The following TMPRSS2 variants were observed in gnomAD, a reference collection of about 807,000 sequenced individuals.
The protein encoded by TMPRSS2 is transmembrane protease serine 2.
A neutral mutation model predicts 67.4 loss-of-function variants in TMPRSS2; 59 were observed. That is an observed-to-expected ratio of 0.88 (90% confidence interval 0.71 to 1.09). TMPRSS2 has a LOEUF of 1.09. TMPRSS2 is among the 50% of genes least tolerant of loss of function. TMPRSS2 has a pLI of 0.00. For synonymous variants in TMPRSS2, 257 were observed against 257.0 expected (o/e 1.00, Z 0.00); for missense variants, 668 against 642.7 (o/e 1.04, Z -0.43).
At chr21:41,479,643 G>C (rs1267068359) in intron 6 of TMPRSS2, among the ~76,000 whole-genome samples, 1 of 152,116 alleles carries the variant, frequency 6.6e-6, no homozygotes, top group African/African-American at 2.4e-5. Context: ...TGTGATGGGG[G>C]GGCTTTGCTG....
intron 7 of TMPRSS2, 47 bp downstream of exon 7, chr21:41,479,125 C>T: frequency 2.1e-6 from 3 of 1,406,074 alleles, no homozygotes; most frequent in East Asian, 2.3e-5. Flanking sequence ...ATGGTGTCTC[C>T]TAGTTGATTT....
At chr21:41,490,116 C>T (rs2091324816) in intron 3 of TMPRSS2, among the ~76,000 whole-genome samples, 1 of 147,760 alleles carries the variant, frequency 6.8e-6, no homozygotes, top group African/African-American at 2.5e-5. Context: ...CCACTGCACT[C>T]CAGCCTGGGC....
At chr21:41,472,538 C>G (rs1475331551) in intron 9 of TMPRSS2, among the ~76,000 whole-genome samples, 1 of 151,872 alleles carries the variant, frequency 6.6e-6, no homozygotes, top group Non-Finnish European at 1.5e-5. Context: ...CCCAGAGCAC[C>G]TGGGGGTGTG....
rs1030553162 is a variant in TMPRSS2, at chr21:41,478,245, C to T, written c.683+927G>A. Among the ~76,000 whole-genome samples, 1 of 152,206 alleles carries T rather than the reference C, an allele frequency of 6.6e-6. No homozygotes were observed. The highest frequency in any genetic ancestry group is 2.4e-5 in the African/African-American group (1 of 41,444). ...CTGCAGTGGAAGTCAGGCCCCCAGA[C>T]CCCTCCACCAGCGGCCTCCAGGAAT... On this transcript the variant is annotated intron_variant, in intron 7 of 13. Transcript: ENST00000332149. This position sits in a 1 kb window ranked among gnomAD's most constrained non-coding sequence, Gnocchi z 4.0.
At chr21:41,503,039 A>G (rs530721239) in intron 1 of TMPRSS2, among the ~76,000 whole-genome samples, 1 of 152,376 alleles carries the variant, frequency 6.6e-6, no homozygotes, top group Non-Finnish European at 1.5e-5. Flanking sequence ...TACAAGATCA[A>G]TATAAAAATC....
intron 8 of TMPRSS2, among the ~76,000 whole-genome samples, chr21:41,475,515 GT>G (rs2091200309): frequency 2.9e-5 from 1 of 33,960 alleles, no homozygotes. Context: ...AGGAGGTGAG[GT>G]GGTGAGTGAG....
At chr21:41,491,777 G>T (rs562157895) in intron 3 of TMPRSS2, among the ~76,000 whole-genome samples, 7 of 152,350 alleles carry the variant, frequency 4.6e-5, no homozygotes, top group African/African-American at 1.7e-4. Context: ...TGTGTAAAGC[G>T]GGAAGCCCTC....
intron 7 of TMPRSS2, among the ~76,000 whole-genome samples, chr21:41,476,915 T>C (rs1216163312): frequency 6.6e-6 from 1 of 152,206 alleles, no homozygotes; most frequent in Non-Finnish European, 1.5e-5. Flanking sequence ...AAGTATACAA[T>C]AATGCTAGTT....
chr21:41,467,584 G>T, intron 13 of TMPRSS2, 150 bp downstream of exon 13: 2 of 811,812 alleles, frequency 2.5e-6, no homozygotes, highest in Non-Finnish European at 3.9e-6. Context: ...GACACTGGGG[G>T]GATGGGGCTG....
chr21:41,489,528 C>A lies in TMPRSS2; in HGVS notation c.304G>T (p.Ala102Ser), dbSNP rs781008294. ...GTFLVGAALAAGLLWKFMGSK... is the reference protein window; with the variant it reads ...GTFLVGAALASGLLWKFMGSK... ...TTACTGAACTTCCAGAGTAGGCCAG[C>A]GGCCAGCGCAGCTCCCACGAGGAAG... Residue 102 changes from alanine to serine, a missense_variant, in exon 4 of 14, where the codon GCT (alanine) becomes TCT (serine). Transcript: ENST00000332149. 3.7e-6 allele frequency: 6 copies of A among 1,613,848 alleles called. No individual in the cohort carries two copies. The highest frequency in any genetic ancestry group is 3.3e-5 in the South Asian group (3 of 91,086).
At chr21:41,472,051 G>T in intron 9 of TMPRSS2, 70 bp from the exon 10 acceptor site, 1 of 1,433,048 alleles carries the variant, frequency 7.0e-7, no homozygotes, top group Non-Finnish European at 9.3e-7. Context: ...AACTTCCAAC[G>T]TCAGAAGCTG....
At chr21:41,494,826 T>C in intron 2 of TMPRSS2, 2 of 500,522 alleles carry the variant, frequency 4.0e-6, no homozygotes, top group Non-Finnish European at 7.2e-6. Flanking sequence ...ATCCCAGCAC[T>C]TTGGGAGGCC....
intron 4 of TMPRSS2, among the ~76,000 whole-genome samples, 197 bp downstream of exon 4, chr21:41,489,310 G>C (rs1207134258): frequency 6.6e-6 from 1 of 152,226 alleles, no homozygotes; most frequent in Admixed American, 6.5e-5. Flanking sequence ...AAAGCACTGG[G>C]TACATTCTAA....
intron 1 of TMPRSS2, among the ~76,000 whole-genome samples, chr21:41,501,855 G>C (rs1288313176): frequency 6.6e-6 from 1 of 152,240 alleles, no homozygotes; most frequent in Non-Finnish European, 1.5e-5. Flanking sequence ...GATGGCGAGA[G>C]ACAATGCTGT....
chr21:41,471,664 C>A, intron 10 of TMPRSS2, 142 bp downstream of exon 10: 3 of 890,752 alleles, frequency 3.4e-6, no homozygotes, highest in Non-Finnish European at 5.0e-6. Context: ...CTCTGTGAGC[C>A]TCTCCCATTG....
intron 1 of TMPRSS2, among the ~76,000 whole-genome samples, chr21:41,504,470 C>T (rs777808859): frequency 7.2e-5 from 11 of 152,340 alleles, no homozygotes; most frequent in Non-Finnish European, 1.3e-4. Context: ...AAACCAGCCT[C>T]GACTCCCAAC....
chr21:41,471,696 T>C, intron 10 of TMPRSS2, 110 bp downstream of exon 10: 1 of 1,307,346 alleles, frequency 7.6e-7, no homozygotes, highest in East Asian at 2.4e-5. Context: ...CACGCTACCC[T>C]CGCTCAACGC....
At chr21:41,504,645 A>T (rs1313268742) in intron 1 of TMPRSS2, among the ~76,000 whole-genome samples, 3 of 152,012 alleles carry the variant, frequency 2.0e-5, no homozygotes, top group Non-Finnish European at 4.4e-5. Context: ...CCTGTCACAG[A>T]TCCCCCTTTT....
chr21:41,480,694 A>G, intron 5 of TMPRSS2, 92 bp from the exon 6 acceptor site: 2 of 1,527,996 alleles, frequency 1.3e-6, no homozygotes, highest in Non-Finnish European at 1.8e-6. Flanking sequence ...GCTGAAGTGC[A>G]GTGGTCTGAT....
Sources: gnomAD v4.1 joint callset for allele counts (sites outside exome capture counted in the v4.1 genomes callset) on GRCh38, gnomAD v4.1.1 for gene constraint, Gnocchi (gnomAD v3.1) non-coding constraint, MANE v1.5 for transcripts, NCBI Gene and HGNC (gene_info 2026-07-23, HGNC 2026-07-21) for gene names.